The following OGDHL variants were observed in gnomAD, a reference collection of about 807,000 sequenced individuals.
The protein encoded by OGDHL is oxoglutarate dehydrogenase L, also known as 2-oxoglutarate dehydrogenase-like, mitochondrial.
OGDHL carries 79 observed loss-of-function variants against 109.6 expected under a neutral mutation model. That is an observed-to-expected ratio of 0.72 (90% CI 0.60 to 0.87). OGDHL has a LOEUF of 0.87. Ranked by LOEUF, OGDHL falls within the 40% of genes least tolerant of loss-of-function variation. The pLI is 0.00. For synonymous variants in OGDHL, 528 were observed against 537.2 expected (o/e 0.98, Z 0.24); for missense variants, 1,275 against 1,362.2 (o/e 0.94, Z 1.01).
At position 49,749,831 on chromosome 10, in the gene OGDHL, G is replaced by T; in HGVS notation, c.897-15C>A. On this transcript the variant is annotated splice_polypyrimidine_tract_variant and intron_variant, in intron 7 of 22. Transcript: ENST00000374103. ...TCAGCCTTCCCCTGGAGCCAGAGGG[G>T]CCGGGCTCTCACCTGGCAAAGCCCG... 6.3e-7 allele frequency: 1 copy of T among 1,577,422 alleles called. No individual in the cohort carries two copies. The highest frequency in any genetic ancestry group is 8.6e-7 in the Non-Finnish European group (1 of 1,165,998).
At position 49,752,732 on chromosome 10, in the gene OGDHL, A is replaced by G. The variant is rs1194916324; in HGVS notation, c.384T>C (p.Gly128=). The G allele has an allele frequency of 6.2e-7, 1 of 1,613,558 alleles. No homozygotes were observed. The highest frequency in any genetic ancestry group is 8.5e-7 in the Non-Finnish European group (1 of 1,179,550). The change falls in exon 4 of 23, where the codon GGT becomes GGC. Residue 128 remains glycine, a synonymous_variant. Coordinates refer to ENST00000374103, the MANE Select transcript of OGDHL (RefSeq NM_018245.3). ...GGGGGTCCAGCTGGGCCACATGGTG[A>G]CCCCGGATCTGGGAGGAGGGAAAAG... The part of the protein sequence containing the change: ...QSLIRAYQIR[G]HHVAQLDPLG...
intron 17 of OGDHL, 173 bp downstream of exon 17, chr10:49,739,488 C>T (rs1841475125): frequency 8.7e-6 from 6 of 688,256 alleles, no homozygotes; most frequent in Admixed American, 3.2e-5. Context: ...GTAGCATCAT[C>T]GTCTCAGCAG....
In OGDHL at chr10:49,742,960, C is replaced by T. The variant is rs1281784914; in HGVS notation, c.1880G>A (p.Arg627Gln). 4 of 1,613,422 alleles carry T rather than the reference C, an allele frequency of 2.5e-6. No individual in the cohort carries two copies. In the Admixed American group the frequency reaches 5.0e-5, roughly 20 times the overall value. ...KIHTGLSRIL[R>Q]GRADMTKNRT... is the part of the protein sequence containing the mutation. Reference sequence around the variant, plus strand: ...GTTCTTGGTCATGTCCGCACGGCCCCGCAGAATGCGAGAGAGGCCTGTGGG... The same window carrying T: ...GTTCTTGGTCATGTCCGCACGGCCCTGCAGAATGCGAGAGAGGCCTGTGGG... Residue 627 changes from arginine (R) to glutamine (Q), a missense_variant, in exon 15 of 23, where the codon CGG (arginine) becomes CAG (glutamine). Transcript: ENST00000374103.
chr10:49,740,111 G>C (rs1438567919), intron 16 of OGDHL, among the ~76,000 whole-genome samples: 2 of 152,126 alleles, frequency 1.3e-5, no homozygotes, highest in Admixed American at 1.3e-4. Flanking sequence ...GGGACCATCT[G>C]TCAAGAACTC....
chr10:49,742,527 CCA>C lies in OGDHL; in HGVS notation c.2012+299_2012+300del, dbSNP rs1237869230. Among the ~76,000 whole-genome samples the C allele has an allele frequency of 2.3e-4, 27 of 114,898 alleles. No homozygotes were observed. In the East Asian group the frequency reaches 5.9e-3, roughly 25 times the overall value. 75.4% of individuals were successfully genotyped at this position (114,898 alleles called of 152,430 possible). A position where few individuals can be genotyped will look rare whatever the true frequency, so the allele number is the denominator to read the frequency against. ...ACACACCACATACACACCAAACACACCACACACACACACCACACACAACTCGC... is the reference window on the plus strand; with the variant it reads ...ACACACCACATACACACCAAACACACCACACACACACCACACACAACTCGC... On this transcript the variant is annotated intron_variant, in intron 15 of 22. Transcript: ENST00000374103.
rs1362232105 is a variant in OGDHL, at chr10:49,756,701, C to A, written c.375+75G>T. 2.8e-6 allele frequency: 4 copies of A among 1,407,998 alleles called. No homozygotes were observed. In the African/African-American group the frequency reaches 4.3e-5, roughly 15 times the overall value. 87.2% of individuals were successfully genotyped at this position (1,407,998 alleles called of 1,614,324 possible). ...TGGGGAGATGATGTTGGAGCTGAGACCCCTTCCCTTCAGTGCCTGGCCACA... is the reference window on the plus strand; with the variant it reads ...TGGGGAGATGATGTTGGAGCTGAGAACCCTTCCCTTCAGTGCCTGGCCACA... On this transcript the variant is annotated intron_variant, in intron 3 of 22. Coordinates refer to ENST00000374103, the MANE Select transcript of OGDHL (RefSeq NM_018245.3).
At chr10:49,739,491 C>G (rs144715663) in intron 17 of OGDHL, 170 bp downstream of exon 17, 6 of 714,256 alleles carry the variant, frequency 8.4e-6, no homozygotes, top group East Asian at 2.8e-5. Context: ...GCATCATCGT[C>G]TCAGCAGCTG....
Position 49,752,638 on chromosome 10 carries a change from C to G in OGDHL, c.478G>C (p.Ala160Pro). Reference sequence around the variant, plus strand: ...TGGCCGTCCTGAGGAAGGGTCTTACCCAGTTTATCAATGGTTGTGATCAAG... The same window carrying G: ...TGGCCGTCCTGAGGAAGGGTCTTACGCAGTTTATCAATGGTTGTGATCAAG... ...SDLITTIDKL[A>P]FYDLQEADLD... The change falls in exon 4 of 23, where the codon GCC becomes CCC. Residue 160 changes from alanine (A) to proline (P), a missense_variant and splice_region_variant. Physicochemically the swap from Ala to Pro is conservative, Grantham distance 27. Coordinates refer to ENST00000374103, the MANE Select transcript of OGDHL (RefSeq NM_018245.3). 1 of 1,613,696 alleles carries G rather than the reference C, an allele frequency of 6.2e-7. No homozygotes were observed. Among genetic ancestry groups the G allele is most frequent in the Non-Finnish European group, 8.5e-7 (1 of 1,179,558 alleles).
chr10:49,740,598 G>A, intron 16 of OGDHL, 112 bp downstream of exon 16: 1 of 1,323,806 alleles, frequency 7.6e-7, no homozygotes, highest in Non-Finnish European at 1.0e-6. Context: ...TCCCCTAAGG[G>A]CCTCTGAGCA....
chr10:49,741,444 C>T (rs948369249), intron 15 of OGDHL, among the ~76,000 whole-genome samples: 1 of 152,050 alleles, frequency 6.6e-6, no homozygotes, highest in African/African-American at 2.4e-5. Flanking sequence ...AATGAGAAAG[C>T]CAGCTGGTCA....
In OGDHL at chr10:49,739,735, T is replaced by C; in HGVS notation, c.2245A>G (p.Ile749Val). 1 of 1,614,150 alleles carries C rather than the reference T, an allele frequency of 6.2e-7. No individual in the cohort carries two copies. The highest frequency in any genetic ancestry group is 8.5e-7 in the Non-Finnish European group (1 of 1,179,988). The change falls in exon 17 of 23, where the codon ATC becomes GTC. Residue 749 changes from isoleucine to valine, a missense_variant. Transcript: ENST00000374103. ...NTAQCIIDQF[I>V]STGQAKWVRH... ...ACCCACTTGGCCTGGCCGGTGCTGA[T>C]GAACTGGTCGATGATGCACTGGGCC... is the stretch of plus-strand genomic sequence containing the variant.
rs549309553 is a variant in OGDHL at position 49,740,600 on chromosome 10, C to G, written c.2140+110G>C. ...TCCCCCAGGGCCATCCCCTAAGGGC[C>G]TCTGAGCATCTCTCGCCCCTCCCAG... On this transcript the variant is annotated intron_variant, in intron 16 of 22. Coordinates refer to ENST00000374103, the MANE Select transcript of OGDHL (RefSeq NM_018245.3). The G allele has an allele frequency of 2.9e-6, 4 of 1,359,122 alleles. No individual in the cohort carries two copies. In the East Asian group the frequency reaches 9.9e-5, roughly 34 times the overall value. The allele number at this position is 1,359,122 out of a possible 1,614,324, so 84.2% of individuals were successfully genotyped here.
chr10:49,747,175 A>G lies in OGDHL; in HGVS notation c.1021T>C (p.Tyr341His), dbSNP rs779196560. ...SGDVKYHLGM[Y>H]HERINRVTNR... is the part of the protein sequence containing the mutation. Reference sequence around the variant, plus strand: ...GTGACGCGGTTGATCCTCTCATGGTACATGCCCAGGTGGTACTTGACATCC... The same window carrying G: ...GTGACGCGGTTGATCCTCTCATGGTGCATGCCCAGGTGGTACTTGACATCC... The change falls in exon 9 of 23, where the codon TAC becomes CAC. Residue 341 changes from tyrosine to histidine, a missense_variant. By Grantham distance (83) the Tyr-to-His change is moderately conservative (BLOSUM62 2). Transcript: ENST00000374103. 6.2e-7 allele frequency: 1 copy of G among 1,614,064 alleles called. No homozygotes were observed. The highest frequency in any genetic ancestry group is 8.5e-7 in the Non-Finnish European group (1 of 1,180,014).
intron 1 of OGDHL, among the ~76,000 whole-genome samples, chr10:49,758,877 C>A (rs1843086945): frequency 6.6e-6 from 1 of 152,148 alleles, no homozygotes; most frequent in Non-Finnish European, 1.5e-5. Context: ...CCGGATAGTC[C>A]CCAAAGCCTG....
chr10:49,750,943 C>T lies in OGDHL; in HGVS notation c.792G>A (p.Arg264=), dbSNP rs570922655. The change falls in exon 7 of 23, where the codon CGG becomes CGA. Residue 264 remains arginine (R), a synonymous_variant. Transcript: ENST00000374103. ...TCACTTCACAGCCCTCCAGGCCAAA[C>T]CGCTTCTCTGAGGACCATTTCCGGG... ...FLARKWSSEK[R]FGLEGCEVMI... 7 of 1,610,952 alleles carry T rather than the reference C, an allele frequency of 4.3e-6. No homozygotes were observed. In the South Asian group the frequency reaches 6.6e-5, roughly 15 times the overall value.
chr10:49,741,372 G>C (rs557026858), intron 15 of OGDHL, among the ~76,000 whole-genome samples: 40 of 152,174 alleles, frequency 2.6e-4, no homozygotes, highest in African/African-American at 8.9e-4. Context: ...GGTAGCTCTG[G>C]GTGCATCAGA....
chr10:49,760,705 T>C (rs1564566538), intron 1 of OGDHL, among the ~76,000 whole-genome samples: 1 of 152,268 alleles, frequency 6.6e-6, no homozygotes, highest in East Asian at 1.9e-4. Context: ...TCAGTTCCAC[T>C]TTATAAACAG....
intron 8 of OGDHL, 145 bp from the exon 9 acceptor site, chr10:49,747,353 T>C: frequency 1.2e-6 from 1 of 831,182 alleles, no homozygotes; most frequent in Non-Finnish European, 1.9e-6. Flanking sequence ...CTGACCCCTC[T>C]CTCCTCATCA....
Position 49,739,795 on chromosome 10 carries a change from G to C in OGDHL, c.2185C>G (p.Leu729Val), listed in dbSNP as rs778419863. Residue 729 changes from leucine (L) to valine (V), a missense_variant, in exon 17 of 23, where the codon CTC (leucine) becomes GTC (valine). Coordinates refer to ENST00000374103, the MANE Select transcript of OGDHL (RefSeq NM_018245.3). ...AAGTCCCCAAACTGGGCCTCCCAGA[G>C]GACCAGGGCATTGGGGCTGGCCATG... is the stretch of plus-strand genomic sequence containing the variant. ...YAMASPNALV[L>V]WEAQFGDFHN... 6 of 1,614,164 alleles carry C rather than the reference G, an allele frequency of 3.7e-6. No individual in the cohort carries two copies. In the East Asian group the frequency reaches 6.7e-5, roughly 18 times the overall value.
Sources: allele counts gnomAD v4.1 joint callset (sites outside exome capture counted in the v4.1 genomes callset), GRCh38; gene constraint gnomAD v4.1.1; transcripts MANE v1.5; gene names NCBI Gene and HGNC (gene_info 2026-07-23, HGNC 2026-07-21).